SLC18A2: variants seen among roughly 807,000 people sequenced by gnomAD.
SLC18A2 encodes the protein synaptic vesicular amine transporter.
Under a neutral mutation model 59.2 loss-of-function variants are expected in SLC18A2, and 33 were observed. The ratio of observed to expected loss-of-function variants is 0.56; its 90% CI spans 0.42 to 0.75. The LOEUF (loss-of-function observed/expected upper bound fraction) is 0.75. Among genes scored for constraint, SLC18A2 ranks in the 30% least tolerant of loss-of-function variants. The pLI is 0.00. For synonymous variants in SLC18A2, 228 were observed against 253.5 expected (o/e 0.90, Z 0.95); for missense variants, 569 against 668.6 (o/e 0.85, Z 1.64).
At position 117,269,506 on chromosome 10, in the gene SLC18A2, T is replaced by C. The variant is rs1282151924; in HGVS notation, c.1187-565T>C. On this transcript the variant is annotated intron_variant, in intron 13 of 15. Coordinates refer to ENST00000644641, the MANE Select transcript of SLC18A2 (RefSeq NM_003054.6). The surrounding 1 kb of genome is among the most constrained non-coding windows in gnomAD (Gnocchi z 5.1). ...TAGTGGGGAGCAGGTAGCATAAAGA[T>C]GGTGTGTGTTCAGAGTTCCTGGCTC... Among the ~76,000 whole-genome samples, 1 of 152,132 alleles carries C rather than the reference T, an allele frequency of 6.6e-6. No individual in the cohort carries two copies. Among genetic ancestry groups the C allele is most frequent in the Non-Finnish European group, 1.5e-5 (1 of 68,014 alleles).
intron 10 of SLC18A2, among the ~76,000 whole-genome samples, chr10:117,259,697 T>C (rs919596343): frequency 1.3e-5 from 2 of 152,258 alleles, no homozygotes; most frequent in African/African-American, 4.8e-5. Flanking sequence ...CCAGGGTTGC[T>C]GTGGGGGAGG....
At chr10:117,243,245 T>C (rs1341044437) in intron 2 of SLC18A2, among the ~76,000 whole-genome samples, 2 of 152,250 alleles carry the variant, frequency 1.3e-5, no homozygotes, top group African/African-American at 4.8e-5. Context: ...GAAAGTCTTT[T>C]GAGCCTCTCT....
chr10:117,257,797 G>T lies in SLC18A2; in HGVS notation c.896G>T (p.Gly299Val). ...TACAAAGCCCTTTCCTCCCTTACAG[G>T]CTCCATCTGCTTTGCAAACATGGGC... The part of the protein sequence containing the change: ...LKDPYILIAA[G>V]SICFANMGIA... Residue 299 changes from glycine to valine, a missense_variant and splice_region_variant, in exon 10 of 16, where the codon GGC becomes GTC. Around this residue, in one of 2 missense-constraint regions of SLC18A2, gnomAD observed 377 missense variants for 389.8 expected, o/e 0.97. Transcript: ENST00000644641. 6.3e-7 allele frequency: 1 copy of T among 1,598,918 alleles called. No homozygotes were observed. The highest frequency in any genetic ancestry group is 1.3e-5 in the African/African-American group (1 of 74,520).
At position 117,244,128 on chromosome 10, in the gene SLC18A2, C is replaced by T. The variant is rs543809783; in HGVS notation, c.279C>T (p.Thr93=). 2 of 1,614,212 alleles carry T rather than the reference C, an allele frequency of 1.2e-6. No individual in the cohort carries two copies. The highest frequency in any genetic ancestry group is 2.7e-5 in the African/African-American group (2 of 75,052). ...DNSTMVTGNA[T]RDLTLHQTAT... is the part of the protein sequence containing the mutation. ...CGACTATGGTCACCGGGAATGCTAC[C>T]AGAGACCTGACACTTCATCAGACCG... The change falls in exon 3 of 16, where the codon ACC becomes ACT. Residue 93 remains threonine (T), a synonymous_variant. Transcript: ENST00000644641.
In SLC18A2 at chr10:117,254,053, G is replaced by T. The variant is rs1465123559; in HGVS notation, c.529G>T (p.Ala177Ser). Residue 177 changes from alanine to serine, a missense_variant, in exon 5 of 16, where the codon GCC (alanine) becomes TCC (serine). Physicochemically the swap from Ala to Ser is moderately conservative, Grantham distance 99. Coordinates refer to ENST00000644641, the MANE Select transcript of SLC18A2 (RefSeq NM_003054.6). ...CIMFVSTIMF[A>S]FSSSYAFLLI... Reference sequence around the variant, plus strand: ...TGGACCCCCTCTCTCGGCAGTGTTTGCCTTCTCCAGCAGCTATGCCTTCCT... The same window carrying T: ...TGGACCCCCTCTCTCGGCAGTGTTTTCCTTCTCCAGCAGCTATGCCTTCCT... 6.2e-7 allele frequency: 1 copy of T among 1,613,356 alleles called. No homozygotes were observed. Among genetic ancestry groups the T allele is most frequent in the African/African-American group, 1.3e-5 (1 of 75,050 alleles).
chr10:117,272,098 A>G (rs913306434), intron 15 of SLC18A2, among the ~76,000 whole-genome samples: 3 of 152,170 alleles, frequency 2.0e-5, no homozygotes, highest in African/African-American at 7.2e-5. Context: ...CCTCTGTTGC[A>G]TGGAGAAATG....
chr10:117,253,328 C>A (rs994019503), intron 3 of SLC18A2, 71 bp from the exon 4 acceptor site: 1 of 1,166,786 alleles, frequency 8.6e-7, no homozygotes, highest in Non-Finnish European at 1.3e-6. Context: ...GGTAGCCAGG[C>A]GAAAATCAAT....
At position 117,267,008 on chromosome 10, in the gene SLC18A2, G is replaced by T; in HGVS notation, c.1095G>T (p.Met365Ile). Residue 365 changes from methionine to isoleucine, a missense_variant, in exon 12 of 16, where the codon ATG (methionine) becomes ATT (isoleucine). Coordinates refer to ENST00000644641, the MANE Select transcript of SLC18A2 (RefSeq NM_003054.6). The stretch of plus-strand genomic sequence containing the variant: ...GGTGGCTTTGTGCTCTTCTGGGAAT[G>T]ATAATTGTTGGAGTCAGCATTTTAT... ...MGRWLCALLG[M>I]IIVGVSILCI... 1 of 1,613,698 alleles carries T rather than the reference G, an allele frequency of 6.2e-7. No homozygotes were observed. Among genetic ancestry groups the T allele is most frequent in the Non-Finnish European group, 8.5e-7 (1 of 1,179,902 alleles).
At chr10:117,251,680 C>T (rs1258805466) in intron 3 of SLC18A2, among the ~76,000 whole-genome samples, 5 of 152,126 alleles carry the variant, frequency 3.3e-5, no homozygotes, top group African/African-American at 1.2e-4. Flanking sequence ...TGAATATGGT[C>T]AAGAGAACTT....
chr10:117,266,587 A>G (rs998876145), intron 10 of SLC18A2, 146 bp from the exon 11 acceptor site: 6 of 632,702 alleles, frequency 9.5e-6, no homozygotes, highest in East Asian at 2.7e-5. Context: ...CGGATCCGGC[A>G]GGCGCCGGAT....
intron 9 of SLC18A2, among the ~76,000 whole-genome samples, chr10:117,257,302 C>G (rs1167950233): frequency 6.6e-6 from 1 of 152,060 alleles, no homozygotes; most frequent in African/African-American, 2.4e-5. Context: ...CCCCCTCCAC[C>G]TAACGGCATG....
intron 3 of SLC18A2, among the ~76,000 whole-genome samples, chr10:117,245,060 G>A (rs1371700091): frequency 6.6e-6 from 1 of 152,202 alleles, no homozygotes; most frequent in African/African-American, 2.4e-5. Flanking sequence ...TGTAGCTGAG[G>A]TGGACCAGTT....
intron 2 of SLC18A2, 190 bp downstream of exon 2, chr10:117,242,004 G>C: frequency 2.0e-6 from 1 of 510,412 alleles, no homozygotes; most frequent in Non-Finnish European, 3.4e-6. Context: ...GTGTGGCTTC[G>C]CTTTCCTGAT....
intron 3 of SLC18A2, among the ~76,000 whole-genome samples, chr10:117,250,669 A>G (rs1844153532): frequency 6.6e-6 from 1 of 152,174 alleles, no homozygotes; most frequent in Admixed American, 6.5e-5. Flanking sequence ...CACTCAGGGT[A>G]TGCCCGTAGC....
intron 2 of SLC18A2, among the ~76,000 whole-genome samples, chr10:117,242,092 C>G (rs1844062833): frequency 6.6e-6 from 1 of 152,218 alleles, no homozygotes; most frequent in East Asian, 1.9e-4. Flanking sequence ...ATCCTCTTGC[C>G]TGCTTTCACT....
At chr10:117,253,071 A>G (rs1467504945) in intron 3 of SLC18A2, among the ~76,000 whole-genome samples, 1 of 152,230 alleles carries the variant, frequency 6.6e-6, no homozygotes, top group East Asian at 1.9e-4. Context: ...GAGCTTTAGC[A>G]AAGACTATAA....
At chr10:117,272,472 C>G (rs1844438397) in intron 15 of SLC18A2, among the ~76,000 whole-genome samples, 1 of 152,104 alleles carries the variant, frequency 6.6e-6, no homozygotes, top group Admixed American at 6.5e-5. Flanking sequence ...ATGTGCTTGC[C>G]CAGCCAACTA....
Position 117,258,701 on chromosome 10 carries a change from C to T in SLC18A2, c.991+809C>T, listed in dbSNP as rs577218981. ...GCCCTTCAGATTCCATCACCTTCAA[C>T]GTTTTTAGATCTTTCTTCTGCTGAT... On this transcript the variant is annotated intron_variant, in intron 10 of 15. Coordinates refer to ENST00000644641, the MANE Select transcript of SLC18A2 (RefSeq NM_003054.6). Among the ~76,000 whole-genome samples the T allele has an allele frequency of 9.2e-5, 14 of 151,930 alleles. No homozygotes were observed. The South Asian group carries it at 1.5e-3, about 16-fold the overall frequency.
At position 117,270,332 on chromosome 10, in the gene SLC18A2, C is replaced by T. The variant is rs1192857517; in HGVS notation, c.1309C>T (p.Pro437Ser). The T allele has an allele frequency of 1.9e-6, 3 of 1,614,182 alleles. No individual in the cohort carries two copies. The highest frequency in any genetic ancestry group is 1.7e-6 in the Non-Finnish European group (2 of 1,180,036). ...VAFCMGYAIGPSAGGAIAKAI... is the reference protein window; with the variant it reads ...VAFCMGYAIGSSAGGAIAKAI... ...TCTAATTCTCTGTTTCCTGAAAGGT[C>T]CTTCTGCTGGTGGTGCTATTGCAAA... is the stretch of plus-strand genomic sequence containing the variant. Residue 437 changes from proline to serine, a missense_variant and splice_region_variant, in exon 15 of 16, where the codon CCT becomes TCT. Physicochemically the swap from Pro to Ser is moderately conservative, Grantham distance 74 (BLOSUM62 -1). Around this residue, in one of 2 missense-constraint regions of SLC18A2, gnomAD observed 192 missense variants for 278.8 expected, o/e 0.69. Coordinates refer to ENST00000644641, the MANE Select transcript of SLC18A2 (RefSeq NM_003054.6).
Sources: allele counts gnomAD v4.1 joint callset (sites outside exome capture counted in the v4.1 genomes callset), GRCh38; gene constraint gnomAD v4.1.1; regional missense constraint gnomAD v4.1.1; non-coding constraint Gnocchi (gnomAD v3.1); transcripts MANE v1.5; gene names NCBI Gene and HGNC (gene_info 2026-07-23, HGNC 2026-07-21).